The following USP37 variants were observed in gnomAD, a reference collection of about 807,000 sequenced individuals.
USP37 encodes ubiquitin carboxyl-terminal hydrolase 37.
USP37 carries 27 observed loss-of-function variants against 124.0 expected under a neutral mutation model. The ratio of observed to expected loss-of-function variants is 0.22; its 90% confidence interval spans 0.16 to 0.30. USP37 has a LOEUF of 0.30. Among genes scored for constraint, USP37 ranks in the 10% least tolerant of loss-of-function variants. The pLI is 1.00. For missense variants in USP37, 889 were observed against 1,140.4 expected (o/e 0.78, Z 3.17); for synonymous variants, 365 against 388.0 (o/e 0.94, Z 0.70).
At chr2:218,546,361 AATC>A in intron 7 of USP37, 63 bp from the exon 8 acceptor site, 2 of 1,167,724 alleles carry the variant, frequency 1.7e-6, no homozygotes, top group Admixed American at 4.0e-5. Context: ...AAAATTCATA[AATC>A]AACATACTGA....
intron 9 of USP37, among the ~76,000 whole-genome samples, chr2:218,534,366 G>C (rs1691502935): frequency 6.6e-6 from 1 of 152,192 alleles, no homozygotes; most frequent in African/African-American, 2.4e-5. Context: ...GAACACACCT[G>C]CAGTCCCAGC....
rs577468342 is a variant in USP37 at position 218,513,717 on chromosome 2, C to T, written c.864-3577G>A. ...ATTATTTTGAGATTCATCCATTCTGCTGGGTGTATAAACAGTTCATCCTTT... is the reference window on the plus strand; with the variant it reads ...ATTATTTTGAGATTCATCCATTCTGTTGGGTGTATAAACAGTTCATCCTTT... On this transcript the variant is annotated intron_variant, in intron 10 of 25. Coordinates refer to ENST00000258399, the MANE Select transcript of USP37 (RefSeq NM_020935.3). 4.6e-5 allele frequency among the ~76,000 whole-genome samples: 7 copies of T among 152,340 alleles called. 1 individual carries two copies. In the East Asian group the frequency reaches 1.2e-3, roughly 25 times the overall value.
intron 10 of USP37, among the ~76,000 whole-genome samples, chr2:218,528,066 T>C (rs1195532598): frequency 6.6e-6 from 1 of 151,912 alleles, no homozygotes; most frequent in African/African-American, 2.4e-5. Flanking sequence ...GCTGGGCATG[T>C]TGGTGGGCGC....
chr2:218,496,771 C>T (rs911879842), intron 13 of USP37, among the ~76,000 whole-genome samples: 4 of 152,060 alleles, frequency 2.6e-5, no homozygotes, highest in Admixed American at 2.0e-4. Context: ...GCATCAGCCT[C>T]CCAAGTAGCT....
chr2:218,522,311 C>T (rs1450451995), intron 10 of USP37, among the ~76,000 whole-genome samples: 3 of 151,806 alleles, frequency 2.0e-5, no homozygotes, highest in Non-Finnish European at 2.9e-5. Context: ...GCCTGTAAGC[C>T]CAGCACTCTG....
Position 218,562,654 on chromosome 2 carries a change from A to G in USP37, c.-89+19T>C, listed in dbSNP as rs1344560638. 6 of 398,236 alleles carry G rather than the reference A, an allele frequency of 1.5e-5. No homozygotes were observed. In the East Asian group the frequency reaches 1.8e-4, roughly 12 times the overall value. 24.7% of individuals were successfully genotyped at this position (398,236 alleles called of 1,614,324 possible). On this transcript the variant is annotated intron_variant, in intron 2 of 25. Transcript: ENST00000258399. Reference sequence around the variant, plus strand: ...GCATGCTCTTTGAAACATATATCCAAAACAAAAACATTACTTACTTTTCAG... The same window carrying G: ...GCATGCTCTTTGAAACATATATCCAGAACAAAAACATTACTTACTTTTCAG...
Position 218,534,641 on chromosome 2 carries a change from C to A in USP37, c.746G>T (p.Ser249Ile). 1 of 1,610,408 alleles carries A rather than the reference C, an allele frequency of 6.2e-7. No homozygotes were observed. The highest frequency in any genetic ancestry group is 8.5e-7 in the Non-Finnish European group (1 of 1,178,238). ...CCTATTCTCTTCTGACTGTTTCAAA[C>A]TCAGCTGCTTTTCTCTACTGCTGGT... is the stretch of plus-strand genomic sequence containing the variant. ...YLTSSREKQL[S>I]LKQSEENRTS... Residue 249 changes from serine to isoleucine, a missense_variant, in exon 9 of 26, where the codon AGT becomes ATT. Ser to Ile is a moderately radical substitution (Grantham distance 142). This residue lies in a region of USP37 where 374 missense variants were observed against 386.0 expected (regional missense o/e 0.97). Transcript: ENST00000258399.
At chr2:218,460,028 C>G in intron 22 of USP37, 123 bp from the exon 23 acceptor site, 1 of 463,240 alleles carries the variant, frequency 2.2e-6, no homozygotes, top group East Asian at 4.4e-5. Context: ...GTCAGGAGTT[C>G]GAGACCAGCC....
At chr2:218,489,055 A>G (rs892476768) in intron 14 of USP37, among the ~76,000 whole-genome samples, 2 of 151,980 alleles carry the variant, frequency 1.3e-5, no homozygotes, top group East Asian at 1.9e-4. Flanking sequence ...CACATTCATT[A>G]CCACTCAAAT....
chr2:218,531,347 G>T (rs921537684), intron 9 of USP37, among the ~76,000 whole-genome samples: 1 of 152,204 alleles, frequency 6.6e-6, no homozygotes, highest in Non-Finnish European at 1.5e-5. Flanking sequence ...ACGAAACCTA[G>T]ATGACAACTC....
chr2:218,458,469 G>A (rs1303650384), intron 23 of USP37, among the ~76,000 whole-genome samples: 1 of 150,988 alleles, frequency 6.6e-6, no homozygotes, highest in East Asian at 2.0e-4. Flanking sequence ...CTACTCAGGT[G>A]GCTGAGGCAC....
chr2:218,492,430 T>C (rs1688834583), intron 14 of USP37, among the ~76,000 whole-genome samples: 1 of 152,082 alleles, frequency 6.6e-6, no homozygotes, highest in African/African-American at 2.4e-5. Flanking sequence ...GAGAGGCAGA[T>C]TACATGAGGT....
At chr2:218,500,524 G>C (rs1191467137) in intron 11 of USP37, among the ~76,000 whole-genome samples, 1 of 152,076 alleles carries the variant, frequency 6.6e-6, no homozygotes, top group Non-Finnish European at 1.5e-5. Flanking sequence ...TGGGATTACA[G>C]GCATGAGCCA....
chr2:218,521,141 T>C (rs1690590803), intron 10 of USP37, among the ~76,000 whole-genome samples: 1 of 152,146 alleles, frequency 6.6e-6, no homozygotes, highest in African/African-American at 2.4e-5. Flanking sequence ...AAGTTCCCTG[T>C]GGCCTCCCCA....
intron 23 of USP37, among the ~76,000 whole-genome samples, chr2:218,458,311 C>A (rs1036968473): frequency 7.1e-6 from 1 of 141,672 alleles, no homozygotes; most frequent in Non-Finnish European, 1.5e-5. Context: ...GTGGCTCAGG[C>A]CTGTAATCCC....
chr2:218,493,548 A>G (rs1688910050), intron 14 of USP37, among the ~76,000 whole-genome samples: 1 of 151,946 alleles, frequency 6.6e-6, no homozygotes, highest in Admixed American at 6.6e-5. Context: ...TCAGCTTACT[A>G]CAACCACCTC....
At chr2:218,515,948 C>T (rs1331072988) in intron 10 of USP37, among the ~76,000 whole-genome samples, 1 of 66,956 alleles carries the variant, frequency 1.5e-5, no homozygotes, top group Non-Finnish European at 2.9e-5. Flanking sequence ...AGCTCGTCAT[C>T]ACTGGTCATT....
At chr2:218,557,106 C>G (rs569581072) in intron 4 of USP37, among the ~76,000 whole-genome samples, 3 of 151,634 alleles carry the variant, frequency 2.0e-5, no homozygotes, top group Non-Finnish European at 4.4e-5. Flanking sequence ...TGGACTCAAG[C>G]AATCCTCCTG....
intron 14 of USP37, among the ~76,000 whole-genome samples, chr2:218,492,561 T>C (rs1244671800): frequency 3.3e-5 from 5 of 152,192 alleles, no homozygotes; most frequent in Admixed American, 1.3e-4. Context: ...GGTAACTAAT[T>C]TAAAAGATGC....
Sources: gnomAD v4.1 joint callset for allele counts (sites outside exome capture counted in the v4.1 genomes callset) on GRCh38, gnomAD v4.1.1 for gene constraint, gnomAD v4.1.1 regional missense constraint, MANE v1.5 for transcripts, NCBI Gene and HGNC (gene_info 2026-07-23, HGNC 2026-07-21) for gene names.